Variants in NCKAP5 observed in about 807,000 individuals in gnomAD.
NCKAP5 encodes the protein nck-associated protein 5.
NCKAP5 carries 92 observed loss-of-function variants against 167.0 expected under a neutral mutation model. The ratio of observed to expected loss-of-function variants is 0.55; its 90% confidence interval spans 0.47 to 0.66. The LOEUF (loss-of-function observed/expected upper bound fraction) is 0.66, where lower values mean the gene tolerates loss of function less well. NCKAP5 is among the 30% of genes least tolerant of loss of function. NCKAP5 has a pLI of 0.00. For synonymous variants in NCKAP5, 891 were observed against 877.4 expected (o/e 1.02, Z -0.27); for missense variants, 2,378 against 2,315.0 (o/e 1.03, Z -0.56).
At chr2:133,262,160 T>C (rs575491906) in intron 4 of NCKAP5, among the ~76,000 whole-genome samples, 2 of 152,340 alleles carry the variant, frequency 1.3e-5, no homozygotes, top group East Asian at 3.9e-4. Flanking sequence ...TTTTTATTTT[T>C]ATAGATGATG....
chr2:133,053,081 G>A (rs1163345658), intron 6 of NCKAP5, among the ~76,000 whole-genome samples: 1 of 152,178 alleles, frequency 6.6e-6, no homozygotes, highest in Admixed American at 6.5e-5. Flanking sequence ...CCAATTGCCT[G>A]AGCTATAACA....
chr2:133,612,188 C>A, the NCKAP5 span, among the ~76,000 whole-genome samples: 33 of 152,178 alleles, frequency 2.2e-4, no homozygotes, highest in African/African-American at 7.9e-4. Context: ...AAATTTGAAA[C>A]CAGAAAACAC....
chr2:133,647,270 G>A, the NCKAP5 span, among the ~76,000 whole-genome samples: 3 of 151,200 alleles, frequency 2.0e-5, no homozygotes, highest in Admixed American at 6.6e-5. Context: ...CCAGGAATTA[G>A]ATGCTGCAAT....
At chr2:133,501,592 T>C (rs982711539) in intron 3 of NCKAP5, among the ~76,000 whole-genome samples, 2 of 152,226 alleles carry the variant, frequency 1.3e-5, no homozygotes, top group African/African-American at 4.8e-5. Flanking sequence ...AATGAAGAGC[T>C]CATACATTTT....
At chr2:133,361,795 T>C (rs757604795) in intron 3 of NCKAP5, among the ~76,000 whole-genome samples, 1 of 152,228 alleles carries the variant, frequency 6.6e-6, no homozygotes, top group Non-Finnish European at 1.5e-5. Flanking sequence ...TTAACAAATA[T>C]GCAAATTGCA....
At chr2:133,378,411 T>C (rs767122197) in intron 3 of NCKAP5, among the ~76,000 whole-genome samples, 3 of 152,242 alleles carry the variant, frequency 2.0e-5, no homozygotes, top group Non-Finnish European at 2.9e-5. Context: ...ATCTGAATTA[T>C]AGTGTAGACT....
At chr2:133,159,086 GC>G (rs1251791728) in intron 5 of NCKAP5, among the ~76,000 whole-genome samples, 2 of 152,014 alleles carry the variant, frequency 1.3e-5, no homozygotes, top group East Asian at 3.9e-4. Context: ...TAATCTGGGA[GC>G]CCTTAAAAGC....
intron 3 of NCKAP5, among the ~76,000 whole-genome samples, chr2:133,311,392 T>C (rs995242269): frequency 6.6e-6 from 1 of 152,236 alleles, no homozygotes; most frequent in Non-Finnish European, 1.5e-5. Context: ...TGCTCTCTCC[T>C]GGCACACTGC....
chr2:133,224,627 T>C (rs1248018054), intron 4 of NCKAP5, among the ~76,000 whole-genome samples: 3 of 152,226 alleles, frequency 2.0e-5, no homozygotes, highest in African/African-American at 4.8e-5. Flanking sequence ...GAATAATATA[T>C]GCTTTCATCC....
chr2:133,650,717 GA>G, the NCKAP5 span, among the ~76,000 whole-genome samples: 13,118 of 148,198 alleles, frequency 0.089, 657 homozygotes, highest in African/African-American at 0.12. Context: ...TCTGGAGCGA[GA>G]AAAAAAAAAG....
Position 133,393,937 on chromosome 2 carries a change from A to C in NCKAP5, c.70-90827T>G, listed in dbSNP as rs76729408. Among the ~76,000 whole-genome samples the C allele has an allele frequency of 5.0e-3, 768 of 152,342 alleles. 45 individuals carry two copies. In the East Asian group the frequency reaches 0.11, roughly 23 times the overall value. On this transcript the variant is annotated intron_variant, in intron 3 of 19. Transcript: ENST00000409261. ...TTCTGAGCTGTGACTGCTAGAAACC[A>C]TGACAAAAAATAATGTGAGAGATTC...
intron 5 of NCKAP5, among the ~76,000 whole-genome samples, chr2:133,166,788 A>C (rs1559215612): frequency 6.6e-6 from 1 of 152,170 alleles, no homozygotes; most frequent in African/African-American, 2.4e-5. Flanking sequence ...CTACCAAAAA[A>C]GGTTTTAAAA....
At chr2:133,471,412 A>G (rs1259270482) in intron 3 of NCKAP5, among the ~76,000 whole-genome samples, 3 of 152,222 alleles carry the variant, frequency 2.0e-5, no homozygotes, top group Non-Finnish European at 4.4e-5. Flanking sequence ...CATCCTAGGA[A>G]AAAGCAAATG....
Position 133,547,328 on chromosome 2 carries a change from A to C in NCKAP5, c.-62+11722T>G, listed in dbSNP as rs1021090589. 2.6e-5 allele frequency among the ~76,000 whole-genome samples: 4 copies of C among 152,194 alleles called. No individual in the cohort carries two copies. In the South Asian group the frequency reaches 8.3e-4, roughly 31 times the overall value. Reference sequence around the variant, plus strand: ...GGGCACCCGCCATTGCCCAGCCTTGATTAGGTAAACAAAGCAGCCAGGAAG... The same window carrying C: ...GGGCACCCGCCATTGCCCAGCCTTGCTTAGGTAAACAAAGCAGCCAGGAAG... On this transcript the variant is annotated intron_variant, in intron 2 of 19. Coordinates refer to ENST00000409261, the MANE Select transcript of NCKAP5 (RefSeq NM_207363.3).
chr2:133,004,826 G>T (rs1432018054), intron 6 of NCKAP5, among the ~76,000 whole-genome samples: 2 of 152,078 alleles, frequency 1.3e-5, no homozygotes, highest in Non-Finnish European at 2.9e-5. Flanking sequence ...ATCTTCAACC[G>T]CATAAGAGAG....
At chr2:133,341,284 A>G (rs1683565017) in intron 3 of NCKAP5, among the ~76,000 whole-genome samples, 1 of 145,766 alleles carries the variant, frequency 6.9e-6, no homozygotes, top group Non-Finnish European at 1.5e-5. Flanking sequence ...AAGTGAGCAG[A>G]TTTTTTTTTT....
chr2:132,766,278 C>CAAAAAAAAAAAAAAA (rs70973405), intron 16 of NCKAP5, among the ~76,000 whole-genome samples: 1 of 38,408 alleles, frequency 2.6e-5, no homozygotes, highest in East Asian at 7.7e-4. Flanking sequence ...GATTCTGTCT[C>CAAAAAAAAAAAAAAA]AAAAAAAAAA....
At position 132,860,505 on chromosome 2, in the gene NCKAP5, T is replaced by A; in HGVS notation, c.794A>T (p.Asp265Val). ...ATAAACACATACCTGGAGGAGCAGA[T>A]CAGAAGTGGGTCTGACTCGCTGTTG... ...LFQQRVRPTS[D>V]LLLQKLHSRL... The change falls in exon 11 of 20, where the codon GAT (aspartate) becomes GTT (valine). Residue 265 changes from aspartate to valine, a missense_variant. Transcript: ENST00000409261. The A allele has an allele frequency of 6.3e-7, 1 of 1,576,684 alleles. No homozygotes were observed. Among genetic ancestry groups the A allele is most frequent in the African/African-American group, 1.3e-5 (1 of 74,518 alleles).
chr2:133,101,747 A>C (rs994156987), intron 6 of NCKAP5, among the ~76,000 whole-genome samples: 2 of 152,268 alleles, frequency 1.3e-5, no homozygotes, highest in Non-Finnish European at 2.9e-5. Flanking sequence ...CTTGATATCA[A>C]AGTAAGTTTC....
Sources: allele counts gnomAD v4.1 joint callset (sites outside exome capture counted in the v4.1 genomes callset), GRCh38; gene constraint gnomAD v4.1.1; transcripts MANE v1.5; gene names NCBI Gene and HGNC (gene_info 2026-07-23, HGNC 2026-07-21).